Variants in TRIP4 observed in about 807,000 individuals in gnomAD.
The protein encoded by TRIP4 is activating signal cointegrator 1.
TRIP4 carries 54 observed loss-of-function variants against 81.8 expected under a neutral mutation model. That is an observed-to-expected ratio of 0.66 (90% CI 0.53 to 0.83). TRIP4 has a LOEUF of 0.83. Ranked by LOEUF, TRIP4 falls within the 40% of genes least tolerant of loss-of-function variation. The pLI, the probability that TRIP4 is intolerant of heterozygous loss-of-function variation, is 0.00. For missense variants in TRIP4, 662 were observed against 683.6 expected (o/e 0.97, Z 0.35); for synonymous variants, 270 against 242.8 (o/e 1.11, Z -1.04).
At chr15:64,400,137 G>A (rs1891456096) in intron 4 of TRIP4, among the ~76,000 whole-genome samples, 1 of 151,298 alleles carries the variant, frequency 6.6e-6, no homozygotes, top group Non-Finnish European at 1.5e-5. Flanking sequence ...ATTATAAGAA[G>A]ATGTCTTATT....
intron 6 of TRIP4, among the ~76,000 whole-genome samples, 161 bp downstream of exon 6, chr15:64,406,620 A>T (rs1393467669): frequency 6.6e-6 from 1 of 152,210 alleles, no homozygotes; most frequent in East Asian, 1.9e-4. Context: ...TTGTTTTTTA[A>T]TCCACGGTTG....
chr15:64,451,217 A>G (rs1005715039), intron 12 of TRIP4, among the ~76,000 whole-genome samples: 2 of 151,910 alleles, frequency 1.3e-5, no homozygotes, highest in African/African-American at 4.8e-5. Context: ...GGTTCAAGCA[A>G]TTCTCCTGCC....
At chr15:64,418,933 T>TA (rs1891946757) in intron 9 of TRIP4, among the ~76,000 whole-genome samples, 1 of 152,092 alleles carries the variant, frequency 6.6e-6, no homozygotes, top group Non-Finnish European at 1.5e-5. Context: ...AATTGACAAA[T>TA]ATAGTAGTAG....
intron 8 of TRIP4, among the ~76,000 whole-genome samples, chr15:64,417,461 A>AT (rs1363047593): frequency 6.7e-5 from 4 of 59,522 alleles, no homozygotes; most frequent in East Asian, 5.0e-3. Context: ...TAAATTATTA[A>AT]TTTTTTAAAA....
chr15:64,438,571 G>A (rs941804502), intron 11 of TRIP4, among the ~76,000 whole-genome samples: 33 of 152,180 alleles, frequency 2.2e-4, no homozygotes, highest in African/African-American at 7.2e-4. Context: ...CACTTGCCTC[G>A]GCCTCCCAAA....
At chr15:64,439,189 C>T (rs993189016) in intron 11 of TRIP4, among the ~76,000 whole-genome samples, 2 of 152,144 alleles carry the variant, frequency 1.3e-5, no homozygotes, top group Non-Finnish European at 2.9e-5. Context: ...GGTAGTTATC[C>T]TGTGACACCT....
At chr15:64,443,211 C>G (rs187927532) in intron 11 of TRIP4, among the ~76,000 whole-genome samples, 7 of 152,174 alleles carry the variant, frequency 4.6e-5, no homozygotes, top group Non-Finnish European at 8.8e-5. Flanking sequence ...TGAGTAGTAG[C>G]TGGAGGAGGA....
chr15:64,410,841 A>G (rs1445712462), intron 7 of TRIP4, among the ~76,000 whole-genome samples: 1 of 152,226 alleles, frequency 6.6e-6, no homozygotes. Flanking sequence ...TTGCAAATTA[A>G]AAGAAAATGA....
At chr15:64,424,214 A>T in intron 10 of TRIP4, 59 bp downstream of exon 10, 2 of 1,599,808 alleles carry the variant, frequency 1.3e-6, no homozygotes, top group Non-Finnish European at 1.7e-6. Context: ...ATTGACGTTC[A>T]TCTTCTTTCA....
intron 11 of TRIP4, among the ~76,000 whole-genome samples, chr15:64,427,067 G>A (rs747931097): frequency 3.9e-5 from 6 of 152,112 alleles, no homozygotes; most frequent in African/African-American, 1.2e-4. Context: ...AGAGGGAGCC[G>A]AAATACTTTA....
intron 11 of TRIP4, among the ~76,000 whole-genome samples, chr15:64,431,925 C>T (rs183082961): frequency 8.9e-4 from 115 of 128,534 alleles, no homozygotes; most frequent in Admixed American, 3.4e-3. Flanking sequence ...ACTCTGTCGT[C>T]CAGGGTGGTG....
At chr15:64,397,369 A>T (rs1226170435) in intron 3 of TRIP4, among the ~76,000 whole-genome samples, 1 of 152,212 alleles carries the variant, frequency 6.6e-6, no homozygotes, top group Non-Finnish European at 1.5e-5. Context: ...TAGCTATAGT[A>T]ATGGGCTGAA....
intron 11 of TRIP4, among the ~76,000 whole-genome samples, chr15:64,428,419 G>T (rs767124287): frequency 8.5e-5 from 13 of 152,182 alleles, no homozygotes; most frequent in Non-Finnish European, 1.8e-4. Context: ...TCCTGAGGTT[G>T]CTTTGAACAG....
chr15:64,442,258 G>A (rs912867764), intron 11 of TRIP4, among the ~76,000 whole-genome samples: 3 of 152,062 alleles, frequency 2.0e-5, no homozygotes, highest in African/African-American at 7.2e-5. Context: ...GGGAAGTTAA[G>A]GGCAGAAACA....
intron 10 of TRIP4, among the ~76,000 whole-genome samples, chr15:64,425,206 C>G (rs1188092118): frequency 2.0e-5 from 3 of 151,958 alleles, no homozygotes; most frequent in Non-Finnish European, 4.4e-5. Flanking sequence ...GCTTCCAAAA[C>G]TCATCACTGC....
At chr15:64,427,635 C>G (rs746162895) in intron 11 of TRIP4, among the ~76,000 whole-genome samples, 2 of 152,174 alleles carry the variant, frequency 1.3e-5, no homozygotes, top group African/African-American at 4.8e-5. Context: ...CTCAGCTTCC[C>G]GAAGTGCTTT....
chr15:64,396,228 T>G (rs1211918021), intron 3 of TRIP4, among the ~76,000 whole-genome samples: 2 of 149,660 alleles, frequency 1.3e-5, no homozygotes, highest in Non-Finnish European at 1.5e-5. Flanking sequence ...AACTTTAAAT[T>G]AATGGAGCTA....
Position 64,450,151 on chromosome 15 carries a change from T to C in TRIP4, c.1679-4846T>C, listed in dbSNP as rs139829799. ...GCTCACGCCTGTAATCCCAGCACTT[T>C]GGGAGGCCGAGGCGGATCACAAGGT... On this transcript the variant is annotated intron_variant, in intron 12 of 12. Transcript: ENST00000261884. 8.4e-3 allele frequency among the ~76,000 whole-genome samples: 1,269 copies of C among 151,660 alleles called. 16 individuals are homozygous for C. The highest frequency in any genetic ancestry group is 0.029 in the African/African-American group (1,214 of 41,364).
At chr15:64,426,085 G>A (rs1259932812) in intron 11 of TRIP4, among the ~76,000 whole-genome samples, 3 of 151,228 alleles carry the variant, frequency 2.0e-5, no homozygotes, top group Non-Finnish European at 1.5e-5. Context: ...TCCTTCTGGG[G>A]GAAAAAAAAA....
Sources: gnomAD v4.1 joint callset for allele counts (sites outside exome capture counted in the v4.1 genomes callset) on GRCh38, gnomAD v4.1.1 for gene constraint, MANE v1.5 for transcripts, NCBI Gene and HGNC (gene_info 2026-07-23, HGNC 2026-07-21) for gene names.